The following PCSK2 variants were observed in gnomAD, a reference collection of about 807,000 sequenced individuals.
The protein encoded by PCSK2 is neuroendocrine convertase 2.
Under a neutral mutation model 69.7 loss-of-function variants are expected in PCSK2, and 14 were observed. The observed-to-expected ratio is 0.20, with a 90% confidence interval of 0.13 to 0.31. PCSK2 has a LOEUF of 0.31. Ranked by LOEUF, PCSK2 falls within the 10% of genes least tolerant of loss-of-function variation. PCSK2 has a pLI of 1.00. For missense variants in PCSK2, 544 were observed against 842.5 expected (o/e 0.65, Z 4.39); for synonymous variants, 307 against 320.7 (o/e 0.96, Z 0.46).
intron 2 of PCSK2, among the ~76,000 whole-genome samples, chr20:17,293,240 T>C (rs941763394): frequency 5.3e-5 from 8 of 152,314 alleles, no homozygotes; most frequent in African/African-American, 1.9e-4. Context: ...ATAAAATGAT[T>C]CTCTCAAATT....
At chr20:17,368,977 A>G (rs1341048967) in intron 4 of PCSK2, among the ~76,000 whole-genome samples, 1 of 152,220 alleles carries the variant, frequency 6.6e-6, no homozygotes, top group Non-Finnish European at 1.5e-5. Context: ...TCTCTTTTAG[A>G]TCAGTGCTCT....
At chr20:17,264,767 A>G (rs184566982) in intron 2 of PCSK2, among the ~76,000 whole-genome samples, 57 of 152,312 alleles carry the variant, frequency 3.7e-4, no homozygotes, top group African/African-American at 1.3e-3. Context: ...CCTTTCAATT[A>G]TAGTAGTTAA....
At chr20:17,310,696 C>T (rs1203695340) in intron 2 of PCSK2, among the ~76,000 whole-genome samples, 3 of 150,286 alleles carry the variant, frequency 2.0e-5, no homozygotes, top group Non-Finnish European at 4.4e-5. Context: ...ACCAAGTAGG[C>T]CATCAAAAAA....
intron 5 of PCSK2, among the ~76,000 whole-genome samples, chr20:17,387,151 T>G (rs75968239): frequency 0.02 from 3,039 of 152,294 alleles, 99 homozygotes; most frequent in African/African-American, 0.07. Flanking sequence ...ACCTCTCTGT[T>G]GTACACGTTG....
intron 2 of PCSK2, among the ~76,000 whole-genome samples, chr20:17,274,580 A>G (rs1600436808): frequency 6.6e-6 from 1 of 152,088 alleles, no homozygotes; most frequent in Non-Finnish European, 1.5e-5. Flanking sequence ...AGAGATTGAT[A>G]TACCGTGGGG....
intron 2 of PCSK2, among the ~76,000 whole-genome samples, chr20:17,302,875 G>A (rs1002714020): frequency 1.3e-5 from 2 of 152,146 alleles, no homozygotes; most frequent in African/African-American, 4.8e-5. Flanking sequence ...TCTGGTTGAA[G>A]AAGAGCTCCC....
chr20:17,303,479 A>T (rs8183384), intron 2 of PCSK2, among the ~76,000 whole-genome samples: 116 of 44,554 alleles, frequency 2.6e-3, no homozygotes, highest in Non-Finnish European at 4.3e-3. Flanking sequence ...TATTATATAT[A>T]ATATATATTA....
chr20:17,261,623 A>G (rs559511291), intron 2 of PCSK2, among the ~76,000 whole-genome samples: 6 of 152,296 alleles, frequency 3.9e-5, no homozygotes, highest in Non-Finnish European at 8.8e-5. Context: ...CCAAGACCTA[A>G]GGGAGAAGCT....
intron 8 of PCSK2, among the ~76,000 whole-genome samples, chr20:17,450,016 C>CT (rs1462731230): frequency 1.0e-5 from 1 of 96,714 alleles, no homozygotes; most frequent in Non-Finnish European, 2.3e-5. Context: ...GAATTTCTTC[C>CT]CTTTTTTTTT....
chr20:17,439,617 T>C (rs1030714161), intron 8 of PCSK2, among the ~76,000 whole-genome samples: 7 of 152,220 alleles, frequency 4.6e-5, no homozygotes, highest in Non-Finnish European at 5.9e-5. Context: ...AAATCTAACT[T>C]TGGATCCTTA....
At chr20:17,232,673 T>C (rs1212609899) in intron 1 of PCSK2, among the ~76,000 whole-genome samples, 1 of 152,222 alleles carries the variant, frequency 6.6e-6, no homozygotes, top group Non-Finnish European at 1.5e-5. Context: ...CCAGATTATA[T>C]GCTTTTACTT....
chr20:17,438,715 C>T (rs187154973), intron 8 of PCSK2, among the ~76,000 whole-genome samples: 48 of 152,300 alleles, frequency 3.2e-4, no homozygotes, highest in Non-Finnish European at 4.3e-4. Context: ...ATTGCCTTGA[C>T]GATGGAATCT....
chr20:17,310,797 C>G (rs1235028610), intron 2 of PCSK2, among the ~76,000 whole-genome samples: 1 of 151,484 alleles, frequency 6.6e-6, no homozygotes, highest in Non-Finnish European at 1.5e-5. Flanking sequence ...CAAGACCAGT[C>G]TGGCCAAGAT....
At chr20:17,388,731 A>C (rs2031299486) in intron 5 of PCSK2, among the ~76,000 whole-genome samples, 1 of 152,142 alleles carries the variant, frequency 6.6e-6, no homozygotes, top group African/African-American at 2.4e-5. Context: ...GGACTGACCC[A>C]CAGAGAGCGC....
rs148070837 is a variant in PCSK2 at position 17,342,258 on chromosome 20, T to C, written c.283-16069T>C. On this transcript the variant is annotated intron_variant, in intron 2 of 11. Transcript: ENST00000262545. ...TTGTTGAGATGGTGTTATTATTCCA[T>C]GCTTACTTATTTAGAATGCATTTAG... Among the ~76,000 whole-genome samples, 100 of 152,340 alleles carry C rather than the reference T, an allele frequency of 6.6e-4. 1 individual carries two copies. The East Asian group carries it at 0.018, about 27-fold the overall frequency.
intron 2 of PCSK2, among the ~76,000 whole-genome samples, chr20:17,263,938 A>T (rs1987492156): frequency 6.6e-6 from 1 of 152,230 alleles, no homozygotes; most frequent in Non-Finnish European, 1.5e-5. Flanking sequence ...AAAAACAAAT[A>T]TTTTATGCCC....
rs1384996240 is a variant in PCSK2 at position 17,453,428 on chromosome 20, A to G, written c.886-314A>G. On this transcript the variant is annotated intron_variant, in intron 8 of 11. Transcript: ENST00000262545. The surrounding 1 kb of genome is among the most constrained non-coding windows in gnomAD (Gnocchi z 4.0). ...TACAGTTAGACTTTTCATTGTGAGC[A>G]TGTACCACCTTTCTAGCTTTTTTAA... Among the ~76,000 whole-genome samples the G allele has an allele frequency of 6.6e-6, 1 of 152,204 alleles. No homozygotes were observed. The highest frequency in any genetic ancestry group is 1.5e-5 in the Non-Finnish European group (1 of 68,024).
chr20:17,358,422 T>C lies in PCSK2; in HGVS notation c.378T>C (p.Phe126=), dbSNP rs2030282133. 6.3e-7 allele frequency: 1 copy of C among 1,590,984 alleles called. No homozygotes were observed. The highest frequency in any genetic ancestry group is 8.6e-7 in the Non-Finnish European group (1 of 1,158,922). ...EIDINMNDPL[F]TKQWYLINTG... Reference sequence around the variant, plus strand: ...ACATCAACATGAACGATCCTCTTTTTACAAAGCAGTGGTATCTGGTGAGTG... The same window carrying C: ...ACATCAACATGAACGATCCTCTTTTCACAAAGCAGTGGTATCTGGTGAGTG... Residue 126 remains phenylalanine, a synonymous_variant, in exon 3 of 12, where the codon TTT becomes TTC. Transcript: ENST00000262545.
chr20:17,325,924 G>C (rs1990036689), intron 2 of PCSK2, among the ~76,000 whole-genome samples: 1 of 152,296 alleles, frequency 6.6e-6, no homozygotes, highest in African/African-American at 2.4e-5. Flanking sequence ...CAGTGGGCTA[G>C]CCCAAGTATG....
Sources: gnomAD v4.1 joint callset for allele counts (sites outside exome capture counted in the v4.1 genomes callset) on GRCh38, gnomAD v4.1.1 for gene constraint, Gnocchi (gnomAD v3.1) non-coding constraint, MANE v1.5 for transcripts, NCBI Gene and HGNC (gene_info 2026-07-23, HGNC 2026-07-21) for gene names.